PRTFDC1: variants seen among roughly 807,000 people sequenced by gnomAD.
The protein encoded by PRTFDC1 is phosphoribosyl transferase domain containing 1.
A neutral mutation model predicts 34.6 loss-of-function variants in PRTFDC1; 38 were observed. That is an observed-to-expected ratio of 1.10 (90% CI 0.85 to 1.44). The LOEUF (loss-of-function observed/expected upper bound fraction) is 1.44. Among genes scored for constraint, PRTFDC1 ranks in the 40% most tolerant of loss-of-function variants. The pLI is 0.00. For missense variants in PRTFDC1, 270 were observed against 283.0 expected, an observed-to-expected ratio of 0.95 and a Z score of 0.33; for synonymous variants, 93 against 98.1, an observed-to-expected ratio of 0.95 and a Z score of 0.31.
intron 3 of PRTFDC1, among the ~76,000 whole-genome samples, chr10:24,915,424 C>T (rs1412356492): frequency 3.3e-5 from 5 of 152,122 alleles, no homozygotes; most frequent in African/African-American, 9.7e-5. Context: ...CTTTTCATGA[C>T]CATTTCTCAC....
At chr10:24,939,505 C>T (rs1849114126) in intron 2 of PRTFDC1, among the ~76,000 whole-genome samples, 1 of 151,750 alleles carries the variant, frequency 6.6e-6, no homozygotes, top group Admixed American at 6.6e-5. Flanking sequence ...GTATATTGCC[C>T]ACAAGAAGCT....
intron 3 of PRTFDC1, among the ~76,000 whole-genome samples, chr10:24,896,026 C>T (rs1305293556): frequency 6.6e-6 from 1 of 152,092 alleles, no homozygotes. Flanking sequence ...ACATGGTGCT[C>T]CCACCACACA....
chr10:24,900,973 T>C (rs990615878), intron 3 of PRTFDC1, among the ~76,000 whole-genome samples: 1 of 152,234 alleles, frequency 6.6e-6, no homozygotes, highest in African/African-American at 2.4e-5. Context: ...TTGAAATTTG[T>C]GGGTCTGAAT....
intron 3 of PRTFDC1, among the ~76,000 whole-genome samples, chr10:24,890,884 T>C (rs549030580): frequency 6.6e-6 from 1 of 152,276 alleles, no homozygotes; most frequent in South Asian, 2.1e-4. Context: ...TCACTAAGGA[T>C]CCTAGAAGAG....
In PRTFDC1 at chr10:24,877,299, G is replaced by A. The variant is rs534372311; in HGVS notation, c.340-5236C>T. 4.9e-4 allele frequency among the ~76,000 whole-genome samples: 74 copies of A among 151,746 alleles called. No individual in the cohort carries two copies. The South Asian group carries it at 9.8e-3, about 20-fold the overall frequency. ...ATCCTCCTGCCTCAGCCTCCCAATC[G>A]TTGGGATTATGGCCGTGAGCCATCC... On this transcript the variant is annotated intron_variant, in intron 3 of 8. Transcript: ENST00000320152.
chr10:24,871,849 G>C, intron 4 of PRTFDC1, 149 bp downstream of exon 4: 1 of 620,342 alleles, frequency 1.6e-6, no homozygotes, highest in Non-Finnish European at 2.8e-6. Context: ...TTTAGAAAGG[G>C]GAGATCATTA....
intron 3 of PRTFDC1, among the ~76,000 whole-genome samples, chr10:24,904,176 T>C (rs1188778889): frequency 6.6e-6 from 1 of 152,024 alleles, no homozygotes; most frequent in Non-Finnish European, 1.5e-5. Context: ...ATTTATCTGA[T>C]GGGAACAAAG....
intron 3 of PRTFDC1, among the ~76,000 whole-genome samples, chr10:24,896,407 C>A (rs528954604): frequency 2.0e-4 from 30 of 152,268 alleles, no homozygotes; most frequent in African/African-American, 6.7e-4. Flanking sequence ...CTGTCTTCCA[C>A]AAAACTGGTC....
At chr10:24,872,332 A>G (rs7080425) in intron 3 of PRTFDC1, among the ~76,000 whole-genome samples, 39,886 of 151,910 alleles carry the variant, frequency 0.26, 7,356 homozygotes, top group African/African-American at 0.52. Flanking sequence ...CTAACATGAA[A>G]CAAAACACTC....
intron 1 of PRTFDC1, among the ~76,000 whole-genome samples, chr10:24,950,063 C>T (rs1418202906): frequency 6.6e-6 from 1 of 152,092 alleles, no homozygotes; most frequent in African/African-American, 2.4e-5. Flanking sequence ...CTCTCACTAC[C>T]TCTTTGCATC....
chr10:24,907,127 G>A (rs758223048), intron 3 of PRTFDC1, among the ~76,000 whole-genome samples: 18 of 151,908 alleles, frequency 1.2e-4, no homozygotes, highest in Non-Finnish European at 2.2e-4. Context: ...CTAGAGATTC[G>A]CTTGAGCCCA....
chr10:24,878,268 A>G (rs550517334), intron 3 of PRTFDC1, among the ~76,000 whole-genome samples: 1 of 147,698 alleles, frequency 6.8e-6, no homozygotes, highest in Admixed American at 6.9e-5. Context: ...GCAAGACTGT[A>G]TTAAAAAAAA....
intron 3 of PRTFDC1, among the ~76,000 whole-genome samples, chr10:24,884,439 G>A (rs1191160550): frequency 1.3e-5 from 2 of 152,114 alleles, no homozygotes; most frequent in South Asian, 2.1e-4. Flanking sequence ...TGAGCTCTGT[G>A]TGTCACTTCT....
At chr10:24,858,835 C>G (rs1399211184) in intron 4 of PRTFDC1, among the ~76,000 whole-genome samples, 1 of 152,202 alleles carries the variant, frequency 6.6e-6, no homozygotes, top group Non-Finnish European at 1.5e-5. Flanking sequence ...CTGTGACAGC[C>G]TTACTCTTGC....
At chr10:24,914,861 A>G (rs945263369) in intron 3 of PRTFDC1, among the ~76,000 whole-genome samples, 2 of 152,170 alleles carry the variant, frequency 1.3e-5, no homozygotes, top group East Asian at 1.9e-4. Context: ...AGAATAATCA[A>G]AGTTGTCACT....
intron 5 of PRTFDC1, 106 bp from the exon 6 acceptor site, chr10:24,857,101 G>T: frequency 1.0e-6 from 1 of 988,540 alleles, no homozygotes; most frequent in Non-Finnish European, 1.6e-6. Context: ...AATTAAAAAT[G>T]CCATCCAATT....
At chr10:24,951,480 G>A in intron 1 of PRTFDC1, 1 of 799,366 alleles carries the variant, frequency 1.3e-6, no homozygotes, top group African/African-American at 1.9e-5. Context: ...GTTAAATTAA[G>A]CACTGAGCCC....
At chr10:24,866,747 G>T (rs1326552167) in intron 4 of PRTFDC1, among the ~76,000 whole-genome samples, 1 of 151,638 alleles carries the variant, frequency 6.6e-6, no homozygotes, top group African/African-American at 2.4e-5. Context: ...CCATGACTCA[G>T]ACAGCTTCCC....
chr10:24,933,944 C>T (rs575790572), intron 3 of PRTFDC1, among the ~76,000 whole-genome samples: 10 of 152,166 alleles, frequency 6.6e-5, no homozygotes, highest in Non-Finnish European at 1.3e-4. Context: ...CTGCCCGACT[C>T]GGCCTGCCAA....
Sources: allele counts gnomAD v4.1 joint callset (sites outside exome capture counted in the v4.1 genomes callset), GRCh38; gene constraint gnomAD v4.1.1; transcripts MANE v1.5; gene names NCBI Gene and HGNC (gene_info 2026-07-23, HGNC 2026-07-21).